The following PLXDC1 variants were observed in gnomAD, a reference collection of about 807,000 sequenced individuals.
PLXDC1 encodes the protein plexin domain-containing protein 1.
Under a neutral mutation model 61.3 loss-of-function variants are expected in PLXDC1, and 39 were observed. The ratio of observed to expected loss-of-function variants is 0.64; its 90% CI spans 0.49 to 0.83. PLXDC1 has a LOEUF of 0.83. Among genes scored for constraint, PLXDC1 ranks in the 40% least tolerant of loss-of-function variants. The pLI is 0.00. For synonymous variants in PLXDC1, 212 were observed against 254.5 expected (o/e 0.83, Z 1.59); for missense variants, 596 against 666.5 (o/e 0.89, Z 1.17).
chr17:39,091,242 T>C (rs1276029520), intron 7 of PLXDC1, among the ~76,000 whole-genome samples: 1 of 152,186 alleles, frequency 6.6e-6, no homozygotes, highest in Non-Finnish European at 1.5e-5. Context: ...CCCTGGAGAC[T>C]GAGGTGAATT....
chr17:39,086,043 C>T (rs1347241249), intron 8 of PLXDC1, among the ~76,000 whole-genome samples: 3 of 152,106 alleles, frequency 2.0e-5, no homozygotes, highest in Non-Finnish European at 2.9e-5. Context: ...CAAAATTCAC[C>T]GGAGGGGTGA....
In PLXDC1 at chr17:39,063,613, T is replaced by G; in HGVS notation, c.*4227A>C. The G allele has an allele frequency of 1.6e-6, 1 of 638,106 alleles. No homozygotes were observed. Among genetic ancestry groups the G allele is most frequent in the Non-Finnish European group, 2.8e-6 (1 of 356,476 alleles). 39.5% of individuals were successfully genotyped at this position (638,106 alleles called of 1,614,324 possible). ...CACTTTCTTTTGCACACAGCAGGAG[T>G]TGTAAAAGAATGCTTCCTTTTATTA... On this transcript the variant is annotated 3_prime_UTR_variant, in exon 14 of 14. Coordinates refer to ENST00000315392, the MANE Select transcript of PLXDC1 (RefSeq NM_020405.5).
rs1909453943 is a variant in PLXDC1, at chr17:39,079,103, C to T, written c.1050+1G>A. 1.2e-6 allele frequency: 2 copies of T among 1,612,922 alleles called. No individual in the cohort carries two copies. The highest frequency in any genetic ancestry group is 1.7e-6 in the Non-Finnish European group (2 of 1,179,018). On this transcript the variant is annotated splice_donor_variant, in intron 10 of 13. Coordinates refer to ENST00000315392, the MANE Select transcript of PLXDC1 (RefSeq NM_020405.5). LOFTEE classifies it high-confidence loss of function. ...TTGCAGCAGATACTTATGCTTCTCACCTCCTGTGCACAGCCATAGTCCATC... is the reference window on the plus strand; with the variant it reads ...TTGCAGCAGATACTTATGCTTCTCATCTCCTGTGCACAGCCATAGTCCATC...
chr17:39,092,098 A>G (rs1251970228), intron 7 of PLXDC1, among the ~76,000 whole-genome samples: 1 of 152,098 alleles, frequency 6.6e-6, no homozygotes, highest in Non-Finnish European at 1.5e-5. Flanking sequence ...ATTTATTTAG[A>G]GACAGGGTCT....
chr17:39,152,388 AC>A (rs2045380014), upstream of PLXDC1: 1 of 619,898 alleles, frequency 1.6e-6, no homozygotes, highest in South Asian at 8.7e-5. Flanking sequence ...GAAATGGCTC[AC>A]CCCACCTGTC....
chr17:39,098,274 G>T (rs569546264), intron 7 of PLXDC1, among the ~76,000 whole-genome samples: 1 of 149,882 alleles, frequency 6.7e-6, no homozygotes, highest in East Asian at 2.0e-4. Context: ...TGAATTTTAT[G>T]CTTGTTCCCG....
rs372117124 is a variant in PLXDC1, at chr17:39,124,342, C to T, written c.256-14951G>A. ...GCACTGTGGCTCACGCCTGTAATCC[C>T]AATACTATGAGAGGCAAAGGAGGGA... On this transcript the variant is annotated intron_variant, in intron 2 of 13. Coordinates refer to ENST00000315392, the MANE Select transcript of PLXDC1 (RefSeq NM_020405.5). Among the ~76,000 whole-genome samples, 6 of 152,330 alleles carry T rather than the reference C, an allele frequency of 3.9e-5. No homozygotes were observed. In the East Asian group the frequency reaches 1.2e-3, roughly 29 times the overall value.
At chr17:39,093,718 A>AATAT (rs35254356) in intron 7 of PLXDC1, among the ~76,000 whole-genome samples, 19 of 150,274 alleles carry the variant, frequency 1.3e-4, no homozygotes, top group Admixed American at 2.6e-4. Flanking sequence ...TCCGTCTTAA[A>AATAT]ATATATATAT....
In PLXDC1 at chr17:39,144,394, G is replaced by A. The variant is rs77547309; in HGVS notation, c.77-4562C>T. On this transcript the variant is annotated intron_variant, in intron 1 of 13. Transcript: ENST00000315392. ...TAAAGAGTCCATGAAAGAGGGCAGGGCGAGGGATGGAGAGGGAGCTTGACC... is the reference window on the plus strand; with the variant it reads ...TAAAGAGTCCATGAAAGAGGGCAGGACGAGGGATGGAGAGGGAGCTTGACC... Among the ~76,000 whole-genome samples the A allele has an allele frequency of 6.8e-3, 1,043 of 152,280 alleles. 11 individuals carry two copies. Among genetic ancestry groups the A allele is most frequent in the Non-Finnish European group, 0.01 (707 of 68,008 alleles).
intron 2 of PLXDC1, among the ~76,000 whole-genome samples, chr17:39,114,334 T>C (rs1910900822): frequency 6.6e-6 from 1 of 152,228 alleles, no homozygotes; most frequent in Non-Finnish European, 1.5e-5. Context: ...TGGTGCCGCC[T>C]GTGCCTCAAA....
intron 7 of PLXDC1, among the ~76,000 whole-genome samples, chr17:39,098,362 T>C (rs2143592304): frequency 6.6e-6 from 1 of 152,312 alleles, no homozygotes; most frequent in Admixed American, 6.5e-5. Context: ...GTCAGACCCC[T>C]GTTCTCACCT....
At chr17:39,106,904 A>T (rs1271385661) in intron 6 of PLXDC1, among the ~76,000 whole-genome samples, 2 of 151,840 alleles carry the variant, frequency 1.3e-5, no homozygotes, top group Non-Finnish European at 2.9e-5. Context: ...CACCCACCTC[A>T]GCCTCCCAAA....
intron 2 of PLXDC1, among the ~76,000 whole-genome samples, chr17:39,115,174 C>T (rs933367814): frequency 1.3e-5 from 2 of 152,198 alleles, no homozygotes; most frequent in African/African-American, 2.4e-5. Context: ...TTGGAGTTCC[C>T]GATGACCCCT....
intron 12 of PLXDC1, among the ~76,000 whole-genome samples, chr17:39,071,835 G>A (rs928112264): frequency 6.6e-6 from 1 of 152,142 alleles, no homozygotes; most frequent in Non-Finnish European, 1.5e-5. Flanking sequence ...TCCAGCCCCC[G>A]GAGCTGGAAG....
chr17:39,133,792 A>T (rs1911641495), intron 2 of PLXDC1, among the ~76,000 whole-genome samples: 1 of 152,040 alleles, frequency 6.6e-6, no homozygotes, highest in Non-Finnish European at 1.5e-5. Flanking sequence ...CTAACTTTTT[A>T]AAAATGGATT....
At chr17:39,131,900 G>C (rs1911577035) in intron 2 of PLXDC1, 1 of 152,632 alleles carries the variant, frequency 6.6e-6, no homozygotes, top group African/African-American at 2.4e-5. Context: ...GCCTCCTTTG[G>C]AAGGTTGTAG....
chr17:39,091,248 G>A (rs1317268298), intron 7 of PLXDC1, among the ~76,000 whole-genome samples: 1 of 152,178 alleles, frequency 6.6e-6, no homozygotes. Flanking sequence ...AGACTGAGGT[G>A]AATTTCCCAC....
intron 2 of PLXDC1, among the ~76,000 whole-genome samples, chr17:39,116,926 C>T (rs569360482): frequency 2.0e-5 from 3 of 152,314 alleles, no homozygotes; most frequent in South Asian, 2.1e-4. Flanking sequence ...ATGTGGCCCC[C>T]GATTATTACA....
At chr17:39,126,964 A>G (rs1489893011) in intron 2 of PLXDC1, 1 of 152,182 alleles carries the variant, frequency 6.6e-6, no homozygotes, top group Non-Finnish European at 1.5e-5. Flanking sequence ...ATTTCCCACG[A>G]GCTCCCAGGC....
Sources: gnomAD v4.1 joint callset for allele counts (sites outside exome capture counted in the v4.1 genomes callset) on GRCh38, gnomAD v4.1.1 for gene constraint, MANE v1.5 for transcripts, NCBI Gene and HGNC (gene_info 2026-07-23, HGNC 2026-07-21) for gene names.